ADAMTS13: variants seen among roughly 807,000 people sequenced by gnomAD.
The protein encoded by ADAMTS13 is ADAM metallopeptidase with thrombospondin type 1 motif 13, also known as A disintegrin and metalloproteinase with thrombospondin motifs 13.
ADAMTS13 carries 110 observed loss-of-function variants against 155.1 expected under a neutral mutation model. That is an observed-to-expected ratio of 0.71 (90% CI 0.61 to 0.83). ADAMTS13 has a LOEUF of 0.83. ADAMTS13 is among the 40% of genes least tolerant of loss of function. The probability of loss-of-function intolerance (pLI) is 0.00; values close to 1 mark genes in which losing one functional copy is unlikely to be tolerated. For synonymous variants in ADAMTS13, 758 were observed against 756.4 expected (o/e 1.00, Z -0.03); for missense variants, 1,707 against 1,891.7 (o/e 0.90, Z 1.81).
intron 27 of ADAMTS13, among the ~76,000 whole-genome samples, chr9:133,457,634 G>T (rs587745954): frequency 5.9e-5 from 9 of 152,374 alleles, no homozygotes; most frequent in African/African-American, 2.2e-4. Flanking sequence ...ACTCTTGCAC[G>T]TGTGACATCA....
Position 133,422,474 on chromosome 9 carries a change from C to T in ADAMTS13, c.31C>T (p.Pro11Ser). 6.2e-7 allele frequency: 1 copy of T among 1,614,078 alleles called. No individual in the cohort carries two copies. Among genetic ancestry groups the T allele is most frequent in the Non-Finnish European group, 8.5e-7 (1 of 1,180,032 alleles). MHQRHPRARC[P>S]PLCVAGILAC... ...CCAGCGTCACCCCCGGGCAAGATGCCCTCCCCTCTGTGTGGCCGGAATCCT... is the reference window on the plus strand; with the variant it reads ...CCAGCGTCACCCCCGGGCAAGATGCTCTCCCCTCTGTGTGGCCGGAATCCT... The change falls in exon 1 of 29, where the codon CCT becomes TCT. Residue 11 changes from proline (P) to serine (S), a missense_variant. Transcript: ENST00000355699.
chr9:133,443,129 C>T (rs1263429527), intron 18 of ADAMTS13, among the ~76,000 whole-genome samples: 3 of 152,206 alleles, frequency 2.0e-5, no homozygotes, highest in East Asian at 1.9e-4. Context: ...CCACACCTGA[C>T]GGGGCACACT....
At chr9:133,449,749 G>A (rs782006522) in intron 22 of ADAMTS13, 34 bp from the exon 23 acceptor site, 432 of 1,612,414 alleles carry the variant, frequency 2.7e-4, no homozygotes, top group Non-Finnish European at 3.6e-4. Flanking sequence ...AGGCCCTGGG[G>A]CTGTTTGGGG....
rs782212785 is a variant in ADAMTS13, at chr9:133,456,578, A to C, written c.3583A>C (p.Arg1195=). 5 of 1,613,506 alleles carry C rather than the reference A, an allele frequency of 3.1e-6. No individual in the cohort carries two copies. The highest frequency in any genetic ancestry group is 3.4e-6 in the Non-Finnish European group (4 of 1,179,950). Residue 1195 remains arginine, a synonymous_variant, in exon 27 of 29, where the codon AGG becomes CGG. Transcript: ENST00000355699. This position sits in a 1 kb window ranked among gnomAD's most constrained non-coding sequence, Gnocchi z 4.4. ...GCTGCTTTGGGGCCGGCTCACCTGG[A>C]GGAAGATGTGCAGGAAGCTGTTGGA... The part of the protein sequence containing the change: ...MLLLWGRLTW[R]KMCRKLLDMT...
Position 133,449,967 on chromosome 9 carries a change from T to C in ADAMTS13, c.3044+2T>C, listed in dbSNP as rs1213160417. On this transcript the variant is annotated splice_donor_variant, in intron 23 of 28. Transcript: ENST00000355699. LOFTEE classifies it high-confidence loss of function. Reference sequence around the variant, plus strand: ...CAGCCTGGAGCCCTGCCCACCTAGGTGAGTCAGCCGGTGATGGGAGGGGCA... The same window carrying C: ...CAGCCTGGAGCCCTGCCCACCTAGGCGAGTCAGCCGGTGATGGGAGGGGCA... The C allele has an allele frequency of 6.3e-7, 1 of 1,595,590 alleles. No individual in the cohort carries two copies. The highest frequency in any genetic ancestry group is 1.3e-5 in the African/African-American group (1 of 74,752).
At position 133,456,869 on chromosome 9, in the gene ADAMTS13, T is replaced by A; in HGVS notation, c.3724+150T>A. The A allele has an allele frequency of 9.7e-7, 1 of 1,027,252 alleles. No homozygotes were observed. The highest frequency in any genetic ancestry group is 1.5e-6 in the Non-Finnish European group (1 of 682,168). The allele number at this position is 1,027,252 out of a possible 1,614,324, so 63.6% of individuals were successfully genotyped here. A position where few individuals can be genotyped will look rare whatever the true frequency, so the allele number is the denominator to read the frequency against. ...GATGGAAGGAACTGGGGTTGGCCAGTGTCAGTCTGCACGTGCCAGGGAGGG... is the reference window on the plus strand; with the variant it reads ...GATGGAAGGAACTGGGGTTGGCCAGAGTCAGTCTGCACGTGCCAGGGAGGG... On this transcript the variant is annotated intron_variant, in intron 27 of 28. Transcript: ENST00000355699. This position sits in a 1 kb window ranked among gnomAD's most constrained non-coding sequence, Gnocchi z 4.4.
Position 133,425,874 on chromosome 9 carries a change from G to T in ADAMTS13, c.415-64G>T. 1 of 1,605,744 alleles carries T rather than the reference G, an allele frequency of 6.2e-7. No individual in the cohort carries two copies. Among genetic ancestry groups the T allele is most frequent in the South Asian group, 1.1e-5 (1 of 90,114 alleles). ...AGGAGGACTAACTGGGAAACAAACCGACCGCAGTCAGCACCGTGCCTGGTT... is the reference window on the plus strand; with the variant it reads ...AGGAGGACTAACTGGGAAACAAACCTACCGCAGTCAGCACCGTGCCTGGTT... On this transcript the variant is annotated intron_variant, in intron 4 of 28. Transcript: ENST00000355699. This position sits in a 1 kb window ranked among gnomAD's most constrained non-coding sequence, Gnocchi z 4.6.
chr9:133,446,049 CACGA>C (rs1842045330), intron 21 of ADAMTS13, among the ~76,000 whole-genome samples: 2 of 152,200 alleles, frequency 1.3e-5, no homozygotes, highest in Admixed American at 1.3e-4. Context: ...GGCAGTGTGG[CACGA>C]GAGCCATTCC....
At position 133,442,551 on chromosome 9, in the gene ADAMTS13, G is replaced by A. The variant is rs781964102; in HGVS notation, c.2104+17G>A. 2 of 1,613,474 alleles carry A rather than the reference G, an allele frequency of 1.2e-6. No homozygotes were observed. Among genetic ancestry groups the A allele is most frequent in the Non-Finnish European group, 1.7e-6 (2 of 1,180,020 alleles). On this transcript the variant is annotated intron_variant, in intron 17 of 28. Coordinates refer to ENST00000355699, the MANE Select transcript of ADAMTS13 (RefSeq NM_139027.6). ...GTGGGGCAGGTGAGACCTGGGGAAG[G>A]CTCATCCACAGCACGGCTTGCCCCT... is the stretch of plus-strand genomic sequence containing the variant.
intron 8 of ADAMTS13, 144 bp from the exon 9 acceptor site, chr9:133,432,444 C>G: frequency 1.4e-6 from 1 of 736,434 alleles, no homozygotes; most frequent in African/African-American, 1.7e-5. Context: ...CATGCCTTGT[C>G]CTCTGAGGGC....
At chr9:133,439,576 T>C in intron 15 of ADAMTS13, 130 bp downstream of exon 15, 5 of 804,976 alleles carry the variant, frequency 6.2e-6, no homozygotes, top group Non-Finnish European at 1.1e-5. Flanking sequence ...TCAGGCTTGA[T>C]AGTTGACTAG....
At chr9:133,433,753 C>T (rs1554788265) in intron 11 of ADAMTS13, 49 bp downstream of exon 11, 10 of 1,600,106 alleles carry the variant, frequency 6.2e-6, no homozygotes, top group Non-Finnish European at 8.5e-6. Flanking sequence ...GCACCGGGCC[C>T]TGGGGGAGCC....
chr9:133,457,826 GCA>G, intron 27 of ADAMTS13, 82 bp from the exon 28 acceptor site: 1 of 1,564,382 alleles, frequency 6.4e-7, no homozygotes, highest in Non-Finnish European at 8.8e-7. Context: ...ATGCTGCCCT[GCA>G]CGGCTCCCTG....
At position 133,459,086 on chromosome 9, in the gene ADAMTS13, C is replaced by G. The variant is rs587750566; in HGVS notation, c.4022C>G (p.Ala1341Gly). 1.5e-5 allele frequency: 24 copies of G among 1,612,914 alleles called. No homozygotes were observed. The East Asian group carries it at 4.5e-4, about 30-fold the overall frequency. The change falls in exon 29 of 29, where the codon GCT (alanine) becomes GGT (glycine). Residue 1341 changes from alanine (A) to glycine (G), a missense_variant. Around this residue, in one of 3 missense-constraint regions of ADAMTS13, gnomAD observed 961 missense variants for 1,107.9 expected, o/e 0.87. Transcript: ENST00000355699. ...GAGTTCAGCGAGGGCTTCCTGAAGG[C>G]TCAGGCCAGCCTGCGGGGCCAGTAC... ...EMEFSEGFLK[A>G]QASLRGQYWT... is the part of the protein sequence containing the mutation.
Position 133,436,829 on chromosome 9 carries a change from GCCT to G in ADAMTS13, c.1310_1312del (p.Ala437_Cys438delinsGly). On this transcript the variant is annotated inframe_deletion and splice_region_variant, in exon 12 of 29. Coordinates refer to ENST00000355699, the MANE Select transcript of ADAMTS13 (RefSeq NM_139027.6). ...CCCTCCTCTGCCTCCTCCTGGCCAG[GCCT>G]GCGAGAAGACCCAGCTGGAGTTCAT... 3.2e-6 allele frequency: 5 copies of G among 1,572,256 alleles called. No homozygotes were observed. The highest frequency in any genetic ancestry group is 2.6e-6 in the Non-Finnish European group (3 of 1,160,150).
chr9:133,455,906 C>G (rs2130945368), intron 25 of ADAMTS13, 163 bp from the exon 26 acceptor site: 1 of 923,412 alleles, frequency 1.1e-6, no homozygotes, highest in East Asian at 2.6e-5. Flanking sequence ...GATGCTCTGA[C>G]CTATGCAGCC....
Position 133,441,909 on chromosome 9 carries a change from C to A in ADAMTS13, c.1969-490C>A, listed in dbSNP as rs981695370. ...AGGTGGGCCTGCCTCCTCCACTGCACTTTATCCTCTACCCAGCCAGCTTAG... is the reference window on the plus strand; with the variant it reads ...AGGTGGGCCTGCCTCCTCCACTGCAATTTATCCTCTACCCAGCCAGCTTAG... On this transcript the variant is annotated intron_variant, in intron 16 of 28. Transcript: ENST00000355699. This position sits in a 1 kb window ranked among gnomAD's most constrained non-coding sequence, Gnocchi z 5.0. 5.3e-5 allele frequency among the ~76,000 whole-genome samples: 8 copies of A among 152,192 alleles called. No homozygotes were observed. The highest frequency in any genetic ancestry group is 1.9e-4 in the African/African-American group (8 of 41,436).
chr9:133,450,636 C>G (rs1842379534), intron 23 of ADAMTS13, among the ~76,000 whole-genome samples: 1 of 151,892 alleles, frequency 6.6e-6, no homozygotes, highest in African/African-American at 2.4e-5. Context: ...GTCATCCCAG[C>G]TACTTCAGAG....
intron 21 of ADAMTS13, 78 bp from the exon 22 acceptor site, chr9:133,448,521 A>AGGT (rs1182664135): frequency 6.3e-7 from 1 of 1,588,426 alleles, no homozygotes; most frequent in Non-Finnish European, 8.5e-7. Flanking sequence ...TATGTGCTAG[A>AGGT]GGTGTCCAGT....
Sources: allele counts gnomAD v4.1 joint callset (sites outside exome capture counted in the v4.1 genomes callset), GRCh38; gene constraint gnomAD v4.1.1; regional missense constraint gnomAD v4.1.1; non-coding constraint Gnocchi (gnomAD v3.1); transcripts MANE v1.5; gene names NCBI Gene and HGNC (gene_info 2026-07-23, HGNC 2026-07-21).